The following BICDL1 variants were observed in gnomAD, a reference collection of about 807,000 sequenced individuals.
BICDL1 encodes BICD family-like cargo adapter 1.
A neutral mutation model predicts 76.8 loss-of-function variants in BICDL1; 20 were observed. The ratio of observed to expected loss-of-function variants is 0.26; its 90% CI spans 0.18 to 0.38. BICDL1 has a LOEUF of 0.38. BICDL1 is among the 10% of genes least tolerant of loss of function. The pLI is 1.00. For synonymous variants in BICDL1, 383 were observed against 337.1 expected (o/e 1.14, Z -1.49); for missense variants, 700 against 798.6 (o/e 0.88, Z 1.49).
intron 2 of BICDL1, among the ~76,000 whole-genome samples, chr12:120,000,835 TA>T (rs1486800526): frequency 6.6e-6 from 1 of 152,208 alleles, no homozygotes; most frequent in African/African-American, 2.4e-5. Flanking sequence ...CTCATACAAG[TA>T]TTATTGAAAT....
chr12:120,090,976 T>A (rs1001023841), intron 9 of BICDL1: 20 of 1,288,690 alleles, frequency 1.6e-5, no homozygotes, highest in Non-Finnish European at 1.7e-5. Flanking sequence ...CTTTCTCAGT[T>A]CCCGTATCAA....
chr12:120,091,813 G>A (rs1365644475), intron 9 of BICDL1: 1 of 985,290 alleles, frequency 1.0e-6, no homozygotes, highest in African/African-American at 1.7e-5. Flanking sequence ...GAGTGGACAA[G>A]CTGCTCAGAT....
intron 1 of BICDL1, among the ~76,000 whole-genome samples, chr12:119,991,200 C>A (rs1253191396): frequency 6.6e-6 from 1 of 152,104 alleles, no homozygotes; most frequent in East Asian, 1.9e-4. Context: ...ACCTTTCCTG[C>A]CTGTGCGTTT....
chr12:120,074,720 G>C, intron 7 of BICDL1, 134 bp downstream of exon 7: 1 of 721,034 alleles, frequency 1.4e-6, no homozygotes, highest in Non-Finnish European at 1.7e-6. Context: ...AAGGAATGGT[G>C]ACCTGAAGTT....
chr12:119,995,318 G>A (rs2138591266), intron 1 of BICDL1, among the ~76,000 whole-genome samples: 1 of 152,284 alleles, frequency 6.6e-6, no homozygotes, highest in East Asian at 1.9e-4. Flanking sequence ...AGGAAAGCCT[G>A]GAATTTGTCA....
intron 2 of BICDL1, among the ~76,000 whole-genome samples, chr12:120,030,317 G>A (rs1460509906): frequency 6.6e-6 from 1 of 152,194 alleles, no homozygotes; most frequent in Non-Finnish European, 1.5e-5. Flanking sequence ...GATTATTAAT[G>A]TAGCCCCATG....
At chr12:120,043,338 G>A (rs944773687) in intron 2 of BICDL1, among the ~76,000 whole-genome samples, 4 of 152,180 alleles carry the variant, frequency 2.6e-5, no homozygotes, top group African/African-American at 7.2e-5. Flanking sequence ...TTTGGGGCGT[G>A]CCTATTTAAT....
intron 4 of BICDL1, among the ~76,000 whole-genome samples, chr12:120,067,648 TATC>T (rs1953249586): frequency 6.6e-6 from 1 of 152,226 alleles, no homozygotes; most frequent in Non-Finnish European, 1.5e-5. Context: ...CCCTTGCTGT[TATC>T]ATTAATTAAG....
At chr12:120,011,140 G>A (rs1192944021) in intron 2 of BICDL1, among the ~76,000 whole-genome samples, 4 of 152,108 alleles carry the variant, frequency 2.6e-5, no homozygotes, top group Non-Finnish European at 4.4e-5. Context: ...CTTGTGACTC[G>A]GCTGTTTTCA....
At chr12:119,991,357 T>C (rs1594080767) in intron 1 of BICDL1, among the ~76,000 whole-genome samples, 1 of 152,196 alleles carries the variant, frequency 6.6e-6, no homozygotes, top group East Asian at 1.9e-4. Context: ...GAATGGAAAT[T>C]CAGAAATATT....
At chr12:120,050,653 T>G (rs1952839053) in intron 2 of BICDL1, among the ~76,000 whole-genome samples, 1 of 151,844 alleles carries the variant, frequency 6.6e-6, no homozygotes, top group Non-Finnish European at 1.5e-5. Flanking sequence ...ATTTTTTGTT[T>G]TTGCTTGAGA....
At chr12:119,994,780 G>A (rs1394763016) in intron 1 of BICDL1, among the ~76,000 whole-genome samples, 3 of 152,280 alleles carry the variant, frequency 2.0e-5, no homozygotes, top group Admixed American at 6.5e-5. Context: ...GAGCCACTGC[G>A]CCCAGCCATA....
chr12:120,034,691 G>T (rs1237851590), intron 2 of BICDL1, among the ~76,000 whole-genome samples: 1 of 152,162 alleles, frequency 6.6e-6, no homozygotes. Flanking sequence ...TGTTGGCCAG[G>T]CCAGGTTCTC....
chr12:120,027,842 C>T (rs889060442), intron 2 of BICDL1, among the ~76,000 whole-genome samples: 6 of 152,168 alleles, frequency 3.9e-5, no homozygotes, highest in African/African-American at 1.4e-4. Context: ...CACTTAACAC[C>T]ATCATTCCTA....
chr12:119,991,599 GA>G (rs1358877015), intron 1 of BICDL1, among the ~76,000 whole-genome samples: 1 of 151,982 alleles, frequency 6.6e-6, no homozygotes, highest in Non-Finnish European at 1.5e-5. Context: ...TAGAGGTCTA[GA>G]AATAAAAAGC....
chr12:120,070,937 C>G (rs1873046960), intron 4 of BICDL1, among the ~76,000 whole-genome samples: 1 of 151,832 alleles, frequency 6.6e-6, no homozygotes, highest in Admixed American at 6.6e-5. Context: ...ACCATGTTGG[C>G]CAGGCTGGTC....
intron 1 of BICDL1, among the ~76,000 whole-genome samples, chr12:119,994,749 A>G (rs1449688214): frequency 2.0e-5 from 3 of 152,192 alleles, no homozygotes; most frequent in African/African-American, 7.2e-5. Flanking sequence ...GGGCCTCCCA[A>G]AGTGCTGGGA....
intron 1 of BICDL1, among the ~76,000 whole-genome samples, chr12:119,994,705 G>T (rs774843433): frequency 2.0e-4 from 30 of 152,112 alleles, no homozygotes; most frequent in Admixed American, 5.2e-4. Flanking sequence ...GGTCAGGCTG[G>T]TCTTAAACTC....
At chr12:120,076,480 G>A (rs1409737569) in intron 7 of BICDL1, among the ~76,000 whole-genome samples, 6 of 152,088 alleles carry the variant, frequency 3.9e-5, no homozygotes, top group Admixed American at 1.3e-4. Context: ...CAGTGGATGC[G>A]GGGGGCATTG....
Sources: allele counts gnomAD v4.1 joint callset (sites outside exome capture counted in the v4.1 genomes callset), GRCh38; gene constraint gnomAD v4.1.1; transcripts MANE v1.5; gene names NCBI Gene and HGNC (gene_info 2026-07-23, HGNC 2026-07-21).